CIAO3: variants seen among roughly 807,000 people sequenced by gnomAD.
CIAO3 encodes the protein cytosolic iron-sulfur assembly component 3.
CIAO3 carries 45 observed loss-of-function variants against 51.5 expected under a neutral mutation model. The ratio of observed to expected loss-of-function variants is 0.87; its 90% CI spans 0.69 to 1.12. The LOEUF is 1.12. Among genes scored for constraint, CIAO3 ranks in the 50% most tolerant of loss-of-function variants. The pLI is 0.00. For synonymous variants in CIAO3, 314 were observed against 269.3 expected, an observed-to-expected ratio of 1.17 and a Z score of -1.63; for missense variants, 668 against 632.5, an observed-to-expected ratio of 1.06 and a Z score of -0.60.
Position 737,231 on chromosome 16 carries a change from G to T in CIAO3, c.261C>A (p.Thr87=). The change falls in exon 3 of 11, where the codon ACC becomes ACA. Residue 87 remains threonine (T), a synonymous_variant. Coordinates refer to ENST00000251588, the MANE Select transcript of CIAO3 (RefSeq NM_022493.3). This position sits in a 1 kb window ranked among gnomAD's most constrained non-coding sequence, Gnocchi z 5.3. ...TCTTCAGCTCCTCGTGGCTCTGCTG[G>T]GTGATAAGCACGGTCTCTGCGGAGG... The part of the protein sequence containing the change: ...CITSAETVLI[T]QQSHEELKKV... 1.2e-6 allele frequency: 2 copies of T among 1,613,754 alleles called. No individual in the cohort carries two copies. Among genetic ancestry groups the T allele is most frequent in the Non-Finnish European group, 1.7e-6 (2 of 1,180,020 alleles).
chr16:731,532 G>A lies in CIAO3; in HGVS notation c.1034+33C>T, dbSNP rs563253709. 9.2e-6 allele frequency: 14 copies of A among 1,524,056 alleles called. No individual in the cohort carries two copies. The East Asian group carries it at 1.8e-4, about 19-fold the overall frequency. 94.4% of individuals were successfully genotyped at this position (1,524,056 alleles called of 1,614,324 possible). A position where few individuals can be genotyped will look rare whatever the true frequency, so the allele number is the denominator to read the frequency against. ...GAGGAAGGCTGGGGGCTGTGTGGCC[G>A]CTCTGCCCAGAGATCTGGCCCATCC... On this transcript the variant is annotated intron_variant, in intron 9 of 10. Transcript: ENST00000251588.
intron 9 of CIAO3, 23 bp from the exon 10 acceptor site, chr16:731,023 G>A (rs1373137654): frequency 2.5e-6 from 4 of 1,611,412 alleles, no homozygotes; most frequent in Non-Finnish European, 3.4e-6. Flanking sequence ...GGCGGGGTTT[G>A]TCTACATGGC....
At chr16:738,177 A>G in intron 2 of CIAO3, 1 of 997,894 alleles carries the variant, frequency 1.0e-6, no homozygotes, top group Non-Finnish European at 1.2e-6. Flanking sequence ...ACCAACTGCC[A>G]CTGCACCGAC....
chr16:740,931 C>A lies in CIAO3; in HGVS notation c.55G>T (p.Gly19Trp). ...CCAGGCCGGCCCACCTGAGACGGCC[C>A]GATGAAGTCATCCAGGTCCGTCAGC... ...LQLTDLDDFI[G>W]PSQECIKPVK... is the part of the protein sequence containing the mutation. The change falls in exon 1 of 11, where the codon GGG becomes TGG. Residue 19 changes from glycine (G) to tryptophan (W), a missense_variant. Gly to Trp is a radical substitution (Grantham distance 184). Coordinates refer to ENST00000251588, the MANE Select transcript of CIAO3 (RefSeq NM_022493.3). 6.5e-7 allele frequency: 1 copy of A among 1,528,450 alleles called. No individual in the cohort carries two copies. Among genetic ancestry groups the A allele is most frequent in the South Asian group, 1.2e-5 (1 of 83,488 alleles). The allele number at this position is 1,528,450 out of a possible 1,614,324, so 94.7% of individuals were successfully genotyped here.
chr16:740,694 G>C, intron 1 of CIAO3: 2 of 555,046 alleles, frequency 3.6e-6, no homozygotes, highest in Non-Finnish European at 6.3e-6. Context: ...CACAGGAGCG[G>C]GTTGGGGGGC....
Position 730,545 on chromosome 16 carries a change from C to T in CIAO3, c.1303G>A (p.Ala435Thr), listed in dbSNP as rs144802616. Residue 435 changes from alanine (A) to threonine (T), a missense_variant, in exon 11 of 11, where the codon GCG (alanine) becomes ACG (threonine). Transcript: ENST00000251588. Reference sequence around the variant, plus strand: ...GTGTACAGCTCCTGAACCCCAGGCGCGTCCTCGGGCGCCTCAGCCCGGACC... The same window carrying T: ...GTGTACAGCTCCTGAACCCCAGGCGTGTCCTCGGGCGCCTCAGCCCGGACC... ...GMVRAEAPED[A>T]PGVQELYTHW... The T allele has an allele frequency of 5.2e-4, 844 of 1,610,970 alleles. 5 individuals carry two copies. The highest frequency in any genetic ancestry group is 4.7e-3 in the South Asian group (432 of 91,090).
intron 4 of CIAO3, chr16:735,279 A>G (rs11864516): frequency 0.25 from 45,013 of 176,620 alleles, 6,348 homozygotes; most frequent in African/African-American, 0.34. Flanking sequence ...GTGCAGACCT[A>G]CCATAGTGGC....
intron 8 of CIAO3, 116 bp downstream of exon 8, chr16:732,185 C>T (rs2041290090): frequency 2.6e-6 from 3 of 1,149,174 alleles, no homozygotes; most frequent in East Asian, 2.4e-5. Context: ...GCTATCCAGC[C>T]ACTTCTGTGG....
intron 4 of CIAO3, among the ~76,000 whole-genome samples, chr16:736,012 A>C (rs1204777831): frequency 2.6e-5 from 4 of 152,212 alleles, no homozygotes; most frequent in African/African-American, 9.6e-5. Context: ...TATCAGCTAA[A>C]AAGTACAAGG....
rs767520020 is a variant in CIAO3, at chr16:737,495, C to T, written c.163-166G>A. ...GGTATGTATTACAAAAATGCACACG[C>T]ACGCTCTACAGTTTCATAATGCCGT... On this transcript the variant is annotated intron_variant, in intron 2 of 10. Transcript: ENST00000251588. This position sits in a 1 kb window ranked among gnomAD's most constrained non-coding sequence, Gnocchi z 5.3. The T allele has an allele frequency of 1.3e-6, 2 of 1,520,864 alleles. No individual in the cohort carries two copies. The highest frequency in any genetic ancestry group is 4.0e-5 in the Admixed American group (2 of 49,594). The allele number at this position is 1,520,864 out of a possible 1,614,324, so 94.2% of individuals were successfully genotyped here. A position where few individuals can be genotyped will look rare whatever the true frequency, so the allele number is the denominator to read the frequency against.
In CIAO3 at chr16:730,639, C is replaced by T; in HGVS notation, c.1209G>A (p.Gly403=). The stretch of plus-strand genomic sequence containing the variant: ...GCCTGTCTGGGGCCTGGAGCTGGCC[C>T]CCGCCGTTCAGGCAGCCTATGGGAG... ...MACPSGCLNG[G]GQLQAPDRPS... is the part of the protein sequence containing the mutation. Residue 403 remains glycine, a synonymous_variant, in exon 11 of 11, where the codon GGG becomes GGA. Coordinates refer to ENST00000251588, the MANE Select transcript of CIAO3 (RefSeq NM_022493.3). The T allele has an allele frequency of 3.7e-6, 6 of 1,609,452 alleles. No individual in the cohort carries two copies. Among genetic ancestry groups the T allele is most frequent in the Non-Finnish European group, 5.1e-6 (6 of 1,179,876 alleles).
chr16:731,324 C>A (rs886876727), intron 9 of CIAO3: 1 of 617,824 alleles, frequency 1.6e-6, no homozygotes, highest in African/African-American at 1.8e-5. Context: ...CCCATGCTGG[C>A]CTCTCGGGCT....
rs1596670668 is a variant in CIAO3 at position 732,425 on chromosome 16, A to C, written c.824-52T>G. On this transcript the variant is annotated intron_variant, in intron 7 of 10. Transcript: ENST00000251588. Reference sequence around the variant, plus strand: ...TCTTTAGCGGAGATCCCAGCAACAAAGTCAGAGAACATCCAAGCCACCTGC... The same window carrying C: ...TCTTTAGCGGAGATCCCAGCAACAACGTCAGAGAACATCCAAGCCACCTGC... The C allele has an allele frequency of 3.7e-6, 6 of 1,601,414 alleles. No homozygotes were observed. In the East Asian group the frequency reaches 1.3e-4, roughly 36 times the overall value.
chr16:730,556 G>C lies in CIAO3; in HGVS notation c.1292C>G (p.Ala431Gly), dbSNP rs374955438. ...CTGAACCCCAGGCGCGTCCTCGGGC[G>C]CCTCAGCCCGGACCATGCCGTACAG... is the stretch of plus-strand genomic sequence containing the variant. ...ERLYGMVRAE[A>G]PEDAPGVQEL... Residue 431 changes from alanine to glycine, a missense_variant, in exon 11 of 11, where the codon GCG becomes GGG. Ala to Gly is a moderately conservative substitution (Grantham distance 60). Coordinates refer to ENST00000251588, the MANE Select transcript of CIAO3 (RefSeq NM_022493.3). 1.2e-6 allele frequency: 2 copies of C among 1,610,856 alleles called. No individual in the cohort carries two copies. The highest frequency in any genetic ancestry group is 1.1e-5 in the South Asian group (1 of 91,086).
Position 731,645 on chromosome 16 carries a change from G to T in CIAO3, c.954C>A (p.Gly318=). 1 of 1,557,122 alleles carries T rather than the reference G, an allele frequency of 6.4e-7. No homozygotes were observed. The change falls in exon 9 of 11, where the codon GGC becomes GGA. Residue 318 remains glycine (G), a synonymous_variant. Transcript: ENST00000251588. The part of the protein sequence containing the change: ...PTSHRGGGSG[G]YLEHVFRHAA... The stretch of plus-strand genomic sequence containing the variant: ...CGTGCCGGAACACGTGCTCCAGGTA[G>T]CCCCCCGAGCCCCCTCCCCGATGGC...
In CIAO3 at chr16:739,625, C is replaced by T. The variant is rs1349397045; in HGVS notation, c.162+18G>A. On this transcript the variant is annotated intron_variant, in intron 2 of 10. Transcript: ENST00000251588. ...CAGCCGGGCAGGAGAGATGGTGGAG[C>T]AGCCTCCTGTGCCTTACTTGGTTAA... 2.5e-6 allele frequency: 4 copies of T among 1,609,682 alleles called. No homozygotes were observed. Among genetic ancestry groups the T allele is most frequent in the Admixed American group, 3.3e-5 (2 of 60,014 alleles).
At position 730,462 on chromosome 16, in the gene CIAO3, G is replaced by A. The variant is rs761602193; in HGVS notation, c.1386C>T (p.Tyr462=). Residue 462 remains tyrosine, a synonymous_variant, in exon 11 of 11, where the codon TAC becomes TAT. Coordinates refer to ENST00000251588, the MANE Select transcript of CIAO3 (RefSeq NM_022493.3). The part of the protein sequence containing the change: ...ECAGRLLHTQ[Y]HAVEKASTGL... ...CAGTGCTGGCCTTCTCCACGGCGTGGTACTGCGTATGCAGCAAGCGACCTG... is the reference window on the plus strand; with the variant it reads ...CAGTGCTGGCCTTCTCCACGGCGTGATACTGCGTATGCAGCAAGCGACCTG... 27 of 1,606,992 alleles carry A rather than the reference G, an allele frequency of 1.7e-5. No individual in the cohort carries two copies. The South Asian group carries it at 2.5e-4, about 15-fold the overall frequency.
chr16:733,559 G>T, intron 6 of CIAO3, 132 bp from the exon 7 acceptor site: 1 of 1,370,922 alleles, frequency 7.3e-7, no homozygotes, highest in Non-Finnish European at 1.0e-6. Flanking sequence ...TTCCCAGCAA[G>T]CCTCCTGCCG....
chr16:734,549 C>CGT (rs778962577), intron 5 of CIAO3, 188 bp downstream of exon 5: 1 of 1,098,458 alleles, frequency 9.1e-7, no homozygotes, highest in Non-Finnish European at 1.4e-6. Flanking sequence ...GGTGACTGCG[C>CGT]GTGGCTCCCA....
Sources: allele counts gnomAD v4.1 joint callset (sites outside exome capture counted in the v4.1 genomes callset), GRCh38; gene constraint gnomAD v4.1.1; non-coding constraint Gnocchi (gnomAD v3.1); transcripts MANE v1.5; gene names NCBI Gene and HGNC (gene_info 2026-07-23, HGNC 2026-07-21).